The following PLEKHB2 variants were observed in gnomAD, a reference collection of about 807,000 sequenced individuals.
PLEKHB2 encodes pleckstrin homology domain-containing family B member 2.
Under a neutral mutation model 36.5 loss-of-function variants are expected in PLEKHB2, and 31 were observed. The ratio of observed to expected loss-of-function variants is 0.85; its 90% CI spans 0.64 to 1.15. PLEKHB2 has a LOEUF of 1.15. Among genes scored for constraint, PLEKHB2 ranks in the 50% most tolerant of loss-of-function variants. The probability of loss-of-function intolerance (pLI) is 0.00; values close to 1 mark genes in which losing one functional copy is unlikely to be tolerated. For synonymous variants in PLEKHB2, 119 were observed against 112.0 expected, an observed-to-expected ratio of 1.06 and a Z score of -0.39; for missense variants, 262 against 295.3, an observed-to-expected ratio of 0.89 and a Z score of 0.83.
At chr2:131,132,871 T>A in intron 5 of PLEKHB2, 31 bp from the exon 6 acceptor site, 1 of 1,277,622 alleles carries the variant, frequency 7.8e-7, no homozygotes, top group Non-Finnish European at 1.1e-6. Flanking sequence ...TGGGAAGCTG[T>A]CCTGTCCTCA....
At chr2:131,129,782 C>T (rs930976857) in intron 4 of PLEKHB2, among the ~76,000 whole-genome samples, 1 of 151,900 alleles carries the variant, frequency 6.6e-6, no homozygotes. Flanking sequence ...GGATTACAGG[C>T]GTGAGAGACT....
intron 6 of PLEKHB2, among the ~76,000 whole-genome samples, chr2:131,134,376 C>T (rs1390644760): frequency 2.0e-5 from 3 of 152,182 alleles, no homozygotes; most frequent in African/African-American, 7.2e-5. Flanking sequence ...TGTGCTTTTG[C>T]TGTCAGGTTA....
chr2:131,142,670 C>G (rs1698913947), intron 7 of PLEKHB2, among the ~76,000 whole-genome samples: 1 of 151,078 alleles, frequency 6.6e-6, no homozygotes, highest in Non-Finnish European at 1.5e-5. Flanking sequence ...CTCCTGGGTT[C>G]AAGAGATTCT....
chr2:131,139,759 G>A (rs572592965), intron 6 of PLEKHB2, among the ~76,000 whole-genome samples: 1 of 152,256 alleles, frequency 6.6e-6, no homozygotes, highest in Non-Finnish European at 1.5e-5. Flanking sequence ...AGAGGGTTCC[G>A]CTTCTAGGCT....
At chr2:131,112,248 G>T (rs1422178916) in intron 1 of PLEKHB2, among the ~76,000 whole-genome samples, 3 of 152,224 alleles carry the variant, frequency 2.0e-5, no homozygotes, top group African/African-American at 7.2e-5. Context: ...GGTTTGGGGA[G>T]CCTCCAGAAT....
chr2:131,132,904 G>A lies in PLEKHB2; in HGVS notation c.336G>A (p.Ala112=), dbSNP rs374911289. 8 of 1,597,064 alleles carry A rather than the reference G, an allele frequency of 5.0e-6. No individual in the cohort carries two copies. The highest frequency in any genetic ancestry group is 3.3e-5 in the South Asian group (3 of 90,708). ...FTLQDSRTNT[A]YVGSAVMTDE... ...TCACCCTCTCCTGTCTCCCGCAGGC[G>A]TATGTGGGCTCTGCAGTCATGACCG... The change falls in exon 6 of 8, where the codon GCG becomes GCA. Residue 112 remains alanine, a splice_region_variant and synonymous_variant. Transcript: ENST00000693505.
chr2:131,128,353 G>A lies in PLEKHB2; in HGVS notation c.293+1567G>A, dbSNP rs904081107. ...TACCATGAAGGAAAAATAAGAAAAG[G>A]AAAATGCAAGCCTCAGGAAAAGCTC... On this transcript the variant is annotated intron_variant, in intron 4 of 7. Transcript: ENST00000693505. Among the ~76,000 whole-genome samples, 11 of 152,246 alleles carry A rather than the reference G, an allele frequency of 7.2e-5. No homozygotes were observed. The East Asian group carries it at 9.6e-4, about 13-fold the overall frequency.
chr2:131,135,504 A>G (rs564471836), intron 6 of PLEKHB2, among the ~76,000 whole-genome samples: 1 of 152,256 alleles, frequency 6.6e-6, no homozygotes, highest in South Asian at 2.1e-4. Context: ...CTGTTTCCTT[A>G]CCTTGCCTTG....
intron 2 of PLEKHB2, among the ~76,000 whole-genome samples, chr2:131,123,751 C>A (rs1447079457): frequency 1.5e-5 from 2 of 133,368 alleles, no homozygotes; most frequent in East Asian, 4.4e-4. Context: ...TCTTGAACTT[C>A]TGACCTCCTG....
At chr2:131,117,331 G>A (rs958557534) in intron 1 of PLEKHB2, among the ~76,000 whole-genome samples, 1 of 152,176 alleles carries the variant, frequency 6.6e-6, no homozygotes, top group Non-Finnish European at 1.5e-5. Context: ...GGAGGCTGAG[G>A]CAGGAGAATT....
At chr2:131,138,002 C>T (rs1698432235) in intron 6 of PLEKHB2, among the ~76,000 whole-genome samples, 1 of 150,594 alleles carries the variant, frequency 6.6e-6, no homozygotes, top group African/African-American at 2.4e-5. Flanking sequence ...TCTCATGTGT[C>T]CCAGAGATGC....
intron 1 of PLEKHB2, among the ~76,000 whole-genome samples, chr2:131,110,604 C>CT (rs1296553931): frequency 6.6e-6 from 1 of 152,146 alleles, no homozygotes. Flanking sequence ...AACTCCTGGG[C>CT]TGAAGCGATT....
At position 131,149,706 on chromosome 2, in the gene PLEKHB2, C is replaced by G. The variant is rs1228832725; in HGVS notation, c.*2933C>G. The G allele has an allele frequency of 6.6e-6, 1 of 152,176 alleles. No homozygotes were observed. The highest frequency in any genetic ancestry group is 1.9e-4 in the East Asian group (1 of 5,198). 9.4% of individuals were successfully genotyped at this position (152,176 alleles called of 1,614,324 possible). A position where few individuals can be genotyped will look rare whatever the true frequency, so the allele number is the denominator to read the frequency against. Reference sequence around the variant, plus strand: ...CATGGAATGCAGTTCCACTTTCTCCCCAGAGTTGATCTTTTTGTGATTGCT... The same window carrying G: ...CATGGAATGCAGTTCCACTTTCTCCGCAGAGTTGATCTTTTTGTGATTGCT... On this transcript the variant is annotated 3_prime_UTR_variant, in exon 8 of 8. Coordinates refer to ENST00000693505, the MANE Select transcript of PLEKHB2 (RefSeq NM_001100623.2).
intron 1 of PLEKHB2, 26 bp downstream of exon 1, chr2:131,105,424 G>C (rs1290552644): frequency 6.6e-6 from 1 of 152,532 alleles, no homozygotes; most frequent in Non-Finnish European, 1.5e-5. Context: ...TAGTCCGGAC[G>C]ACCCTAGCTC....
chr2:131,118,930 C>G (rs1696178148), intron 1 of PLEKHB2: 2 of 141,932 alleles, frequency 1.4e-5, no homozygotes, highest in African/African-American at 5.1e-5. Context: ...GGCCCATGGT[C>G]TCAGCTTCCA....
chr2:131,112,239 G>A (rs372012312), intron 1 of PLEKHB2, among the ~76,000 whole-genome samples: 8 of 152,326 alleles, frequency 5.3e-5, no homozygotes, highest in African/African-American at 1.7e-4. Flanking sequence ...AAAGGATTGG[G>A]TTTGGGGAGC....
intron 5 of PLEKHB2, among the ~76,000 whole-genome samples, chr2:131,131,255 C>T (rs368518559): frequency 2.6e-5 from 4 of 152,248 alleles, no homozygotes; most frequent in Admixed American, 6.5e-5. Flanking sequence ...CCTGCTCTTA[C>T]AGGCATGCTT....
At chr2:131,116,606 A>G (rs757185174) in intron 1 of PLEKHB2, among the ~76,000 whole-genome samples, 3 of 152,264 alleles carry the variant, frequency 2.0e-5, no homozygotes, top group Middle Eastern at 3.4e-3. Context: ...TGAGAACTCT[A>G]TCACAAGACC....
In PLEKHB2 at chr2:131,116,293, G is replaced by A. The variant is rs567676676; in HGVS notation, c.-8-4641G>A. ...CAGTTTCTCCTTGTTGCCATCCCTT[G>A]AGACTCAACTGCCTGAAAAGTAAGA... On this transcript the variant is annotated intron_variant, in intron 1 of 7. Transcript: ENST00000693505. 3.3e-5 allele frequency among the ~76,000 whole-genome samples: 5 copies of A among 152,178 alleles called. No individual in the cohort carries two copies. The South Asian group carries it at 6.2e-4, about 19-fold the overall frequency.
Sources: allele counts gnomAD v4.1 joint callset (sites outside exome capture counted in the v4.1 genomes callset), GRCh38; gene constraint gnomAD v4.1.1; transcripts MANE v1.5; gene names NCBI Gene and HGNC (gene_info 2026-07-23, HGNC 2026-07-21).